The following MANBA variants were observed in gnomAD, a reference collection of about 807,000 sequenced individuals.
The protein encoded by MANBA is beta-mannosidase.
A neutral mutation model predicts 111.1 loss-of-function variants in MANBA; 83 were observed. That is an observed-to-expected ratio of 0.75 (90% CI 0.63 to 0.90). The LOEUF is 0.90. MANBA is among the 40% of genes least tolerant of loss of function. The pLI is 0.00. For missense variants in MANBA, 1,036 were observed against 1,069.0 expected, an observed-to-expected ratio of 0.97 and a Z score of 0.43; for synonymous variants, 370 against 378.7, an observed-to-expected ratio of 0.98 and a Z score of 0.27.
At chr4:102,756,487 G>A (rs556750234) in intron 1 of MANBA, among the ~76,000 whole-genome samples, 5 of 152,198 alleles carry the variant, frequency 3.3e-5, no homozygotes, top group Admixed American at 2.0e-4. Context: ...GTTGGGGGCT[G>A]GGGGAGGGAT....
chr4:102,635,953 GGAGCAAAGAAATTCT>G lies in MANBA; in HGVS notation c.2054_2068del (p.Gln685_Ala689del), dbSNP rs1283991082. The G allele has an allele frequency of 4.3e-6, 7 of 1,612,688 alleles. No homozygotes were observed. Among genetic ancestry groups the G allele is most frequent in the Non-Finnish European group, 5.9e-6 (7 of 1,178,778 alleles). On this transcript the variant is annotated inframe_deletion, in exon 15 of 17. Coordinates refer to ENST00000647097, the MANE Select transcript of MANBA (RefSeq NM_005908.4). Reference sequence around the variant, plus strand: ...ATTCTCAAAGCCTACTGGCAACAGTGGAGCAAAGAAATTCTGAGCAAAGTAATGAAGCATTTTCCA... The same window carrying G: ...ATTCTCAAAGCCTACTGGCAACAGTGGAGCAAAGTAATGAAGCATTTTCCA...
At chr4:102,647,876 A>T (rs1217061672) in intron 13 of MANBA, among the ~76,000 whole-genome samples, 3 of 152,124 alleles carry the variant, frequency 2.0e-5, no homozygotes, top group Non-Finnish European at 4.4e-5. Context: ...CATACAGGAG[A>T]AAACTGATGA....
chr4:102,722,518 C>T (rs1382899311), intron 4 of MANBA: 2 of 293,248 alleles, frequency 6.8e-6, no homozygotes, highest in Non-Finnish European at 1.3e-5. Flanking sequence ...CAGAGGGCTT[C>T]CTAGAAACAA....
chr4:102,748,165 T>C (rs1723655722), intron 1 of MANBA, among the ~76,000 whole-genome samples: 1 of 152,190 alleles, frequency 6.6e-6, no homozygotes, highest in African/African-American at 2.4e-5. Flanking sequence ...ATCCCCAGCT[T>C]AATCCTAATA....
At chr4:102,704,692 G>A (rs565917823) in intron 5 of MANBA, among the ~76,000 whole-genome samples, 10 of 151,366 alleles carry the variant, frequency 6.6e-5, no homozygotes, top group East Asian at 1.9e-4. Flanking sequence ...ATGTTTAAAC[G>A]TCTATTGATA....
At chr4:102,637,006 T>A (rs1186864067) in intron 14 of MANBA, among the ~76,000 whole-genome samples, 2 of 152,094 alleles carry the variant, frequency 1.3e-5, no homozygotes, top group African/African-American at 4.8e-5. Flanking sequence ...TCTCACGAGA[T>A]CTGATCGTTT....
At chr4:102,697,520 A>G (rs1415594264) in intron 5 of MANBA, among the ~76,000 whole-genome samples, 2 of 84,030 alleles carry the variant, frequency 2.4e-5, no homozygotes, top group Admixed American at 3.7e-4. Flanking sequence ...CCCCCACCCC[A>G]CAACAGTCCC....
At chr4:102,715,370 C>A (rs1722278445) in intron 4 of MANBA, among the ~76,000 whole-genome samples, 1 of 152,146 alleles carries the variant, frequency 6.6e-6, no homozygotes, top group Admixed American at 6.5e-5. Flanking sequence ...AGCCATGAGA[C>A]CTTAAGCCAG....
At chr4:102,638,908 C>T (rs1578859807) in intron 14 of MANBA, among the ~76,000 whole-genome samples, 1 of 152,270 alleles carries the variant, frequency 6.6e-6, no homozygotes, top group East Asian at 1.9e-4. Flanking sequence ...CAGAACAAGA[C>T]TCTGTCTCAA....
intron 1 of MANBA, among the ~76,000 whole-genome samples, chr4:102,755,139 C>T (rs1578963972): frequency 6.6e-6 from 1 of 152,056 alleles, no homozygotes; most frequent in African/African-American, 2.4e-5. Context: ...TCATATGGAA[C>T]CCAAAAAAAG....
chr4:102,734,628 G>A (rs1011410572), intron 1 of MANBA: 59 of 1,570,098 alleles, frequency 3.8e-5, no homozygotes, highest in African/African-American at 1.3e-4. Flanking sequence ...GAGGAGGCCC[G>A]AGGAGCCAGA....
Position 102,634,677 on chromosome 4 carries a change from C to T in MANBA, c.2415+111G>A, listed in dbSNP as rs988268205. The T allele has an allele frequency of 4.1e-6, 6 of 1,450,168 alleles. No homozygotes were observed. In the African/African-American group the frequency reaches 5.6e-5, roughly 14 times the overall value. 89.8% of individuals were successfully genotyped at this position (1,450,168 alleles called of 1,614,324 possible). On this transcript the variant is annotated intron_variant, in intron 16 of 16. Transcript: ENST00000647097. ...AATCTTCCCCCAGGCCTCAGGTAAACTCAGCACCAAGGGGGACACATGCAA... is the reference window on the plus strand; with the variant it reads ...AATCTTCCCCCAGGCCTCAGGTAAATTCAGCACCAAGGGGGACACATGCAA...
intron 2 of MANBA, among the ~76,000 whole-genome samples, chr4:102,726,086 T>C (rs573504781): frequency 6.6e-6 from 1 of 150,486 alleles, no homozygotes; most frequent in South Asian, 2.1e-4. Flanking sequence ...TTTAAAAGAC[T>C]AGTAAATAAT....
intron 1 of MANBA, among the ~76,000 whole-genome samples, chr4:102,739,341 C>A (rs758087993): frequency 3.9e-5 from 6 of 152,068 alleles, no homozygotes; most frequent in Non-Finnish European, 7.4e-5. Flanking sequence ...AAGTCCAGGA[C>A]CAGATGGATT....
intron 5 of MANBA, among the ~76,000 whole-genome samples, chr4:102,692,262 AAAG>A (rs1306089397): frequency 6.6e-6 from 1 of 152,190 alleles, no homozygotes; most frequent in Non-Finnish European, 1.5e-5. Flanking sequence ...GAGAGGAGGC[AAAG>A]AAGAGTGTTG....
rs1275014813 is a variant in MANBA at position 102,726,651 on chromosome 4, G to A, written c.210C>T (p.Tyr70=). ...DSYYRFNDLN[Y]RWVSLDNWTY... is the part of the protein sequence containing the mutation. The stretch of plus-strand genomic sequence containing the variant: ...TCCAGTTATCCAAAGAGACCCATCT[G>A]TAGTTAAGGTCATTAAATCTGTAGT... The change falls in exon 2 of 17, where the codon TAC becomes TAT. Residue 70 remains tyrosine, a synonymous_variant. Coordinates refer to ENST00000647097, the MANE Select transcript of MANBA (RefSeq NM_005908.4). The A allele has an allele frequency of 2.5e-6, 4 of 1,572,178 alleles. No homozygotes were observed. Among genetic ancestry groups the A allele is most frequent in the Admixed American group, 1.7e-5 (1 of 59,898 alleles).
At chr4:102,702,145 A>G (rs1436261240) in intron 5 of MANBA, among the ~76,000 whole-genome samples, 1 of 150,080 alleles carries the variant, frequency 6.7e-6, no homozygotes. Context: ...CTTCCAGTTG[A>G]TCGCATCGGC....
chr4:102,720,973 A>G (rs1431205527), intron 4 of MANBA, among the ~76,000 whole-genome samples: 1 of 152,250 alleles, frequency 6.6e-6, no homozygotes, highest in Non-Finnish European at 1.5e-5. Flanking sequence ...TAACAGTTCT[A>G]CCTAAAGAGT....
intron 7 of MANBA, among the ~76,000 whole-genome samples, chr4:102,680,403 C>T (rs984716898): frequency 4.6e-5 from 7 of 152,136 alleles, no homozygotes; most frequent in African/African-American, 1.2e-4. Flanking sequence ...AGCTGATTCA[C>T]GTGTCCACAT....
Sources: gnomAD v4.1 joint callset for allele counts (sites outside exome capture counted in the v4.1 genomes callset) on GRCh38, gnomAD v4.1.1 for gene constraint, MANE v1.5 for transcripts, NCBI Gene and HGNC (gene_info 2026-07-23, HGNC 2026-07-21) for gene names.